The following STMN3 variants were observed in gnomAD, a reference collection of about 807,000 sequenced individuals.
The protein encoded by STMN3 is stathmin 3, also known as stathmin-3.
A neutral mutation model predicts 23.2 loss-of-function variants in STMN3; 24 were observed. The observed-to-expected ratio is 1.03, with a 90% confidence interval of 0.75 to 1.45. The LOEUF (loss-of-function observed/expected upper bound fraction) is 1.45, where lower values mean the gene tolerates loss of function less well. STMN3 is among the 40% of genes most tolerant of loss of function. The pLI, the probability that STMN3 is intolerant of heterozygous loss-of-function variation, is 0.00. For synonymous variants in STMN3, 117 were observed against 103.4 expected, an observed-to-expected ratio of 1.13 and a Z score of -0.80; for missense variants, 235 against 237.6, an observed-to-expected ratio of 0.99 and a Z score of 0.07.
At chr20:63,644,370 T>C in intron 1 of STMN3, 61 bp from the exon 2 acceptor site, 1 of 1,336,560 alleles carries the variant, frequency 7.5e-7, no homozygotes, top group Admixed American at 1.9e-5. Flanking sequence ...GGGCCCCCGT[T>C]TTCCCTCCCC....
At chr20:63,651,328 C>A (rs888532629) in intron 1 of STMN3, among the ~76,000 whole-genome samples, 2 of 152,144 alleles carry the variant, frequency 1.3e-5, no homozygotes, top group African/African-American at 4.8e-5. Context: ...CACAGAGTGC[C>A]GGGTGAGAGC....
chr20:63,647,784 A>G (rs571271961), intron 1 of STMN3, among the ~76,000 whole-genome samples: 10 of 127,800 alleles, frequency 7.8e-5, no homozygotes, highest in African/African-American at 2.2e-4. Flanking sequence ...ACGTGTATAT[A>G]TATAATATAT....
intron 1 of STMN3, among the ~76,000 whole-genome samples, chr20:63,647,948 G>GTGTA (rs1320052757): frequency 1.6e-5 from 1 of 63,830 alleles, no homozygotes; most frequent in African/African-American, 5.9e-5. Flanking sequence ...GTGTGTGTGT[G>GTGTA]TATATATATA....
Position 63,640,761 on chromosome 20 carries a change from C to A in STMN3, c.*577G>T. 5.2e-6 allele frequency: 1 copy of A among 192,862 alleles called. No homozygotes were observed. The allele number at this position is 192,862 out of a possible 1,614,324, so 11.9% of individuals were successfully genotyped here. On this transcript the variant is annotated 3_prime_UTR_variant, in exon 5 of 5. Coordinates refer to ENST00000370053, the MANE Select transcript of STMN3 (RefSeq NM_015894.4). The stretch of plus-strand genomic sequence containing the variant: ...GGGTGTCCACCTCACGCCAGGTGGT[C>A]TCAGAGGACCCCTGTGCAACCACAT...
At chr20:63,643,342 C>T (rs1322708407) in intron 3 of STMN3, among the ~76,000 whole-genome samples, 3 of 152,134 alleles carry the variant, frequency 2.0e-5, no homozygotes, top group African/African-American at 4.8e-5. Context: ...AGTGCAGTGG[C>T]GCAGTCTCGG....
chr20:63,643,325 G>A (rs1031799629), intron 3 of STMN3, among the ~76,000 whole-genome samples: 1 of 152,116 alleles, frequency 6.6e-6, no homozygotes, highest in Non-Finnish European at 1.5e-5. Flanking sequence ...TGTCGCCCGG[G>A]CTGAGGAGTG....
chr20:63,650,318 C>A (rs547174558), intron 1 of STMN3, among the ~76,000 whole-genome samples: 1 of 152,138 alleles, frequency 6.6e-6, no homozygotes, highest in Non-Finnish European at 1.5e-5. Flanking sequence ...CATTAGATAC[C>A]GAGGAAATGC....
rs374246097 is a variant in STMN3 at position 63,642,258 on chromosome 20, G to A, written c.333C>T (p.Arg111=). The part of the protein sequence containing the change: ...AQVLKQLAER[R]EHEREVLHKA... ...TGTGCAGCACCTCGCGCTCGTGCTC[G>A]CGCCGCTCCGCCAGCTGCTTCAGCA... The change falls in exon 4 of 5, where the codon CGC becomes CGT. Residue 111 remains arginine, a synonymous_variant. Coordinates refer to ENST00000370053, the MANE Select transcript of STMN3 (RefSeq NM_015894.4). 6.5e-7 allele frequency: 1 copy of A among 1,545,438 alleles called. No individual in the cohort carries two copies. The highest frequency in any genetic ancestry group is 1.2e-5 in the South Asian group (1 of 84,886).
rs922901346 is a variant in STMN3 at position 63,641,522 on chromosome 20, G to A, written c.484-125C>T. ...GCCTCATCCGGGCTGGCCTTCGGCA[G>A]GACCCTGACTGAGTTGAGGGGGCGG... is the stretch of plus-strand genomic sequence containing the variant. On this transcript the variant is annotated intron_variant, in intron 4 of 4. Transcript: ENST00000370053. 5 of 715,548 alleles carry A rather than the reference G, an allele frequency of 7.0e-6. No homozygotes were observed. In the African/African-American group the frequency reaches 7.1e-5, roughly 10 times the overall value. The allele number at this position is 715,548 out of a possible 1,614,324, so 44.3% of individuals were successfully genotyped here. A position where few individuals can be genotyped will look rare whatever the true frequency, so the allele number is the denominator to read the frequency against.
intron 1 of STMN3, among the ~76,000 whole-genome samples, chr20:63,647,948 G>GTATATATA (rs761022872): frequency 1.6e-5 from 1 of 63,830 alleles, no homozygotes; most frequent in African/African-American, 5.9e-5. Flanking sequence ...GTGTGTGTGT[G>GTATATATA]TATATATATA....
chr20:63,653,209 C>A, intron 1 of STMN3, 118 bp downstream of exon 1: 1 of 1,332,166 alleles, frequency 7.5e-7, no homozygotes, highest in South Asian at 1.3e-5. Context: ...AGGCTTGCAA[C>A]GCGCAGGGTA....
At position 63,642,266 on chromosome 20, in the gene STMN3, C is replaced by T; in HGVS notation, c.325G>A (p.Glu109Lys). 1 of 1,544,542 alleles carries T rather than the reference C, an allele frequency of 6.5e-7. No individual in the cohort carries two copies. The highest frequency in any genetic ancestry group is 8.7e-7 in the Non-Finnish European group (1 of 1,147,000). The change falls in exon 4 of 5, where the codon GAG becomes AAG. Residue 109 changes from glutamate (E) to lysine (K), a missense_variant. Physicochemically the swap from Glu to Lys is moderately conservative, Grantham distance 56. Transcript: ENST00000370053. ...ACCTCGCGCTCGTGCTCGCGCCGCT[C>T]CGCCAGCTGCTTCAGCACCTGCGCC... The part of the protein sequence containing the change: ...QEAQVLKQLA[E>K]RREHEREVLH...
At chr20:63,648,531 T>C (rs1431475795) in intron 1 of STMN3, among the ~76,000 whole-genome samples, 1 of 151,540 alleles carries the variant, frequency 6.6e-6, no homozygotes, top group African/African-American at 2.4e-5. Context: ...AGAACAAGAG[T>C]TTGAGACCAG....
At chr20:63,649,632 G>A (rs543599360) in intron 1 of STMN3, among the ~76,000 whole-genome samples, 2 of 152,110 alleles carry the variant, frequency 1.3e-5, no homozygotes, top group African/African-American at 2.4e-5. Context: ...CCGGATTCAC[G>A]CCATTCTCCT....
At chr20:63,646,152 C>A (rs575081473) in intron 1 of STMN3, among the ~76,000 whole-genome samples, 1 of 152,140 alleles carries the variant, frequency 6.6e-6, no homozygotes, top group East Asian at 1.9e-4. Context: ...GACAGAGCAG[C>A]ACAGAGCCCA....
At position 63,642,403 on chromosome 20, in the gene STMN3, G is replaced by A. The variant is rs1395166054; in HGVS notation, c.292-104C>T. The A allele has an allele frequency of 5.1e-6, 4 of 789,112 alleles. No homozygotes were observed. The Admixed American group carries it at 1.4e-4, about 27-fold the overall frequency. 48.9% of individuals were successfully genotyped at this position (789,112 alleles called of 1,614,324 possible). On this transcript the variant is annotated intron_variant, in intron 3 of 4. Transcript: ENST00000370053. ...CGCCCAGCGCCCGCTCGCCTCACCT[G>A]GCGCCTCCACCTGCCCAGGCCTCGG...
chr20:63,653,338 C>T lies in STMN3; in HGVS notation c.8G>A (p.Ser3Asn). The change falls in exon 1 of 5, where the codon AGC (serine) becomes AAC (asparagine). Residue 3 changes from serine to asparagine, a missense_variant. Physicochemically the swap from Ser to Asn is conservative, Grantham distance 46. Coordinates refer to ENST00000370053, the MANE Select transcript of STMN3 (RefSeq NM_015894.4). Reference sequence around the variant, plus strand: ...GCCCCGGAGCCTACCGGAAATGGTGCTGGCCATGGTGCTGGCGGCGGTTGG... The same window carrying T: ...GCCCCGGAGCCTACCGGAAATGGTGTTGGCCATGGTGCTGGCGGCGGTTGG... MA[S>N]TISAYKEKMK... The T allele has an allele frequency of 6.5e-7, 1 of 1,548,426 alleles. No homozygotes were observed. The highest frequency in any genetic ancestry group is 8.7e-7 in the Non-Finnish European group (1 of 1,146,698).
At position 63,652,026 on chromosome 20, in the gene STMN3, A is replaced by G. The variant is rs1481115768; in HGVS notation, c.19+1301T>C. On this transcript the variant is annotated intron_variant, in intron 1 of 4. Transcript: ENST00000370053. This position sits in a 1 kb window ranked among gnomAD's most constrained non-coding sequence, Gnocchi z 5.3. ...CGCTGAGAGCCCCCCCACCCCCAGT[A>G]TCCCCGGGGGTGTCCAGGAGGAGGC... 1.3e-5 allele frequency: 2 copies of G among 152,446 alleles called. No individual in the cohort carries two copies. Among genetic ancestry groups the G allele is most frequent in the Non-Finnish European group, 2.9e-5 (2 of 68,280 alleles). 9.4% of individuals were successfully genotyped at this position (152,446 alleles called of 1,614,324 possible).
chr20:63,640,832 G>A lies in STMN3; in HGVS notation c.*506C>T. 1 of 216,706 alleles carries A rather than the reference G, an allele frequency of 4.6e-6. No individual in the cohort carries two copies. Among genetic ancestry groups the A allele is most frequent in the Non-Finnish European group, 9.5e-6 (1 of 105,590 alleles). The allele number at this position is 216,706 out of a possible 1,614,324, so 13.4% of individuals were successfully genotyped here. A position where few individuals can be genotyped will look rare whatever the true frequency, so the allele number is the denominator to read the frequency against. ...ACCCACCCGCCTGCCAGTTCAACAA[G>A]CACCGGCTGCACACGCAGGCTCCCA... On this transcript the variant is annotated 3_prime_UTR_variant, in exon 5 of 5. Transcript: ENST00000370053.
Sources: allele counts gnomAD v4.1 joint callset (sites outside exome capture counted in the v4.1 genomes callset), GRCh38; gene constraint gnomAD v4.1.1; non-coding constraint Gnocchi (gnomAD v3.1); transcripts MANE v1.5; gene names NCBI Gene and HGNC (gene_info 2026-07-23, HGNC 2026-07-21).